The following PARVB variants were observed in gnomAD, a reference collection of about 807,000 sequenced individuals.
PARVB encodes the protein parvin beta.
PARVB carries 46 observed loss-of-function variants against 47.0 expected under a neutral mutation model. The observed-to-expected ratio is 0.98, with a 90% CI of 0.77 to 1.25. The LOEUF (loss-of-function observed/expected upper bound fraction) is 1.25. Among genes scored for constraint, PARVB ranks in the 50% most tolerant of loss-of-function variants. PARVB has a pLI of 0.00. For synonymous variants in PARVB, 196 were observed against 196.3 expected, an observed-to-expected ratio of 1.00 and a Z score of 0.01; for missense variants, 473 against 471.6, an observed-to-expected ratio of 1.00 and a Z score of -0.03.
chr22:44,118,838 TC>T (rs575314854), intron 3 of PARVB, among the ~76,000 whole-genome samples, 199 bp from the exon 4 acceptor site: 94 of 151,894 alleles, frequency 6.2e-4, no homozygotes, highest in Non-Finnish European at 1.1e-3. Flanking sequence ...AGCCCCTGTC[TC>T]TGTGCTTGCC....
intron 4 of PARVB, among the ~76,000 whole-genome samples, chr22:44,127,206 A>G (rs779434322): frequency 2.0e-5 from 3 of 152,104 alleles, no homozygotes; most frequent in Non-Finnish European, 2.9e-5. Context: ...TGAGAAGGCA[A>G]TTCTAAAATC....
At chr22:44,048,512 C>T (rs1335396910) in intron 1 of PARVB, among the ~76,000 whole-genome samples, 1 of 152,110 alleles carries the variant, frequency 6.6e-6, no homozygotes, top group Admixed American at 6.6e-5. Context: ...GCTGGGATTA[C>T]AGGTGCCCAC....
intron 7 of PARVB, 61 bp downstream of exon 7, chr22:44,136,579 G>A: frequency 7.0e-7 from 1 of 1,428,558 alleles, no homozygotes; most frequent in African/African-American, 1.4e-5. Context: ...GGGACCCCAG[G>A]CTGCCACTTC....
chr22:44,004,248 C>T (rs1344254434), intron 2 of PARVB, among the ~76,000 whole-genome samples: 4 of 152,242 alleles, frequency 2.6e-5, no homozygotes, highest in Non-Finnish European at 5.9e-5. Flanking sequence ...GGTGCTGGGG[C>T]AGGAGCAGGC....
rs149620106 is a variant in PARVB at position 44,014,246 on chromosome 22, T to G, written c.211+14573T>G. Among the ~76,000 whole-genome samples the G allele has an allele frequency of 1.4e-4, 22 of 152,104 alleles. 1 individual carries two copies. In the East Asian group the frequency reaches 4.2e-3, roughly 29 times the overall value. On this transcript the variant is annotated intron_variant, in intron 2 of 13. Coordinates refer to the PARVB transcript ENST00000406477. Reference sequence around the variant, plus strand: ...AAGGCAAGAGTGTGGGTAAGGGAGGTTGACTGAGATCACACAGTGCAGCCC... The same window carrying G: ...AAGGCAAGAGTGTGGGTAAGGGAGGGTGACTGAGATCACACAGTGCAGCCC...
chr22:44,099,995 C>A, intron 2 of PARVB, 58 bp from the exon 3 acceptor site: 1 of 1,404,802 alleles, frequency 7.1e-7, no homozygotes. Context: ...CCCCCTGGTT[C>A]CCCGTGTCCC....
chr22:44,034,060 T>C (rs1353468810), intron 1 of PARVB, among the ~76,000 whole-genome samples: 2 of 151,226 alleles, frequency 1.3e-5, no homozygotes, highest in Non-Finnish European at 2.9e-5. Context: ...TTGCTATAAA[T>C]GGAATTTGAA....
intron 3 of PARVB, 41 bp downstream of exon 3, chr22:44,100,164 G>A (rs561834195): frequency 5.2e-6 from 8 of 1,526,774 alleles, no homozygotes; most frequent in South Asian, 2.2e-5. Context: ...CTCTTAGGGC[G>A]AGGACTTGGC....
chr22:44,059,041 T>G (rs1220974109), intron 1 of PARVB, among the ~76,000 whole-genome samples: 2 of 7,964 alleles, frequency 2.5e-4, no homozygotes, highest in Non-Finnish European at 5.0e-4. Flanking sequence ...CCCTGTGGCT[T>G]TTTTTTTTTT....
At chr22:44,119,013 G>GC in intron 3 of PARVB, 25 bp from the exon 4 acceptor site, 2 of 1,528,262 alleles carry the variant, frequency 1.3e-6, no homozygotes, top group Non-Finnish European at 1.8e-6. Context: ...GTGGACTGAG[G>GC]CCATAATGCC....
At chr22:44,112,059 C>G (rs2052710869) in intron 3 of PARVB, 1 of 151,878 alleles carries the variant, frequency 6.6e-6, no homozygotes, top group Admixed American at 6.6e-5. Context: ...GCTTTGAAGA[C>G]CAAAAAGGGT....
chr22:44,020,164 A>G (rs1603423519), upstream of PARVB, among the ~76,000 whole-genome samples: 1 of 149,908 alleles, frequency 6.7e-6, no homozygotes, highest in African/African-American at 2.5e-5. Flanking sequence ...CAGTCCCACA[A>G]GACAGTCACC....
At chr22:44,005,895 A>C (rs1024378720) in intron 2 of PARVB, among the ~76,000 whole-genome samples, 3 of 152,180 alleles carry the variant, frequency 2.0e-5, no homozygotes, top group Non-Finnish European at 2.9e-5. Context: ...CTGTTTCAAT[A>C]TATCTGTGCT....
chr22:44,076,616 G>A (rs535524200), intron 1 of PARVB, among the ~76,000 whole-genome samples: 3 of 152,182 alleles, frequency 2.0e-5, no homozygotes, highest in Non-Finnish European at 4.4e-5. Flanking sequence ...TATGCCTCGT[G>A]GTGCAGGGAG....
rs1399725291 is a variant in PARVB at position 44,139,879 on chromosome 22, T to C, written c.693-245T>C. 1.6e-5 allele frequency: 9 copies of C among 548,352 alleles called. No homozygotes were observed. The East Asian group carries it at 2.7e-4, about 16-fold the overall frequency. 34.0% of individuals were successfully genotyped at this position (548,352 alleles called of 1,614,324 possible). On this transcript the variant is annotated intron_variant, in intron 7 of 12. Transcript: ENST00000338758. ...ATTACCAGGGTGGTTAATGTGCAAA[T>C]AGAGATGGTGATTTGCTGCTGACCT...
intron 1 of PARVB, among the ~76,000 whole-genome samples, chr22:44,041,107 A>G (rs115648741): frequency 4.9e-4 from 75 of 152,280 alleles, no homozygotes; most frequent in Admixed American, 2.2e-3. Flanking sequence ...GGATTGCTGG[A>G]TAGATAGAGG....
chr22:44,118,739 C>T (rs1601632071), intron 3 of PARVB, among the ~76,000 whole-genome samples: 1 of 151,932 alleles, frequency 6.6e-6, no homozygotes, highest in East Asian at 1.9e-4. Flanking sequence ...TAGCCTCTGT[C>T]TCTGTGCTTG....
At chr22:44,164,415 C>CCGG (rs1555913792) in intron 12 of PARVB, among the ~76,000 whole-genome samples, 27 of 139,178 alleles carry the variant, frequency 1.9e-4, no homozygotes, top group Non-Finnish European at 4.1e-4. Flanking sequence ...CCTGTCCCCC[C>CCGG]CCCGGCTCCT....
At chr22:44,037,111 C>T (rs1377026921) in intron 1 of PARVB, among the ~76,000 whole-genome samples, 2 of 151,440 alleles carry the variant, frequency 1.3e-5, no homozygotes, top group African/African-American at 2.4e-5. Context: ...CGCTTGAGCC[C>T]AGGAGTTTGA....
Sources: gnomAD v4.1 joint callset for allele counts (sites outside exome capture counted in the v4.1 genomes callset) on GRCh38, gnomAD v4.1.1 for gene constraint, MANE v1.5 for transcripts, NCBI Gene and HGNC (gene_info 2026-07-23, HGNC 2026-07-21) for gene names.